The following NRROS variants were observed in gnomAD, a reference collection of about 807,000 sequenced individuals.
NRROS encodes the protein negative regulator of reactive oxygen species.
NRROS carries 6 observed loss-of-function variants against 12.0 expected under a neutral mutation model. That is an observed-to-expected ratio of 0.50 (90% confidence interval 0.27 to 0.98). NRROS has a LOEUF of 0.98. NRROS is among the 50% of genes least tolerant of loss of function. The pLI is 0.11. For synonymous variants in NRROS, 462 were observed against 410.2 expected (o/e 1.13, Z -1.53); for missense variants, 857 against 888.2 (o/e 0.96, Z 0.45).
intron 1 of NRROS, among the ~76,000 whole-genome samples, chr3:196,651,488 C>CTT (rs1737424116): frequency 6.6e-6 from 1 of 151,952 alleles, no homozygotes; most frequent in African/African-American, 2.4e-5. Flanking sequence ...GAAGGTGGGC[C>CTT]AGGCACCATG....
chr3:196,649,928 GGA>G lies in NRROS; in HGVS notation c.-13-4595_-13-4594del, dbSNP rs748199465. ...GGCACTTGCTCAGAGCCCCTTTAGCGGAGAGGGTCCGGTCCCAGCTCTGGCAG... is the reference window on the plus strand; with the variant it reads ...GGCACTTGCTCAGAGCCCCTTTAGCGGAGGGTCCGGTCCCAGCTCTGGCAG... On this transcript the variant is annotated intron_variant, in intron 1 of 2. Coordinates refer to ENST00000328557, the MANE Select transcript of NRROS (RefSeq NM_198565.3). Among the ~76,000 whole-genome samples the G allele has an allele frequency of 2.0e-5, 3 of 152,148 alleles. No homozygotes were observed. The South Asian group carries it at 6.2e-4, about 32-fold the overall frequency.
chr3:196,660,692 A>C lies in NRROS; in HGVS notation c.1049A>C (p.Lys350Thr). Residue 350 changes from lysine (K) to threonine (T), a missense_variant, in exon 3 of 3, where the codon AAA (lysine) becomes ACA (threonine). Transcript: ENST00000328557. This position sits in a 1 kb window ranked among gnomAD's most constrained non-coding sequence, Gnocchi z 7.7. ...TACCTGCCAGACGGCTTCCTGAGGA[A>C]AATGCCTTCCCTCTCCCACCTGAAC... ...FQYLPDGFLRKMPSLSHLNLH... is the reference protein window; with the variant it reads ...FQYLPDGFLRTMPSLSHLNLH... 2 of 1,614,142 alleles carry C rather than the reference A, an allele frequency of 1.2e-6. No homozygotes were observed. The highest frequency in any genetic ancestry group is 1.7e-6 in the Non-Finnish European group (2 of 1,180,028).
At position 196,649,447 on chromosome 3, in the gene NRROS, C is replaced by T. The variant is rs140691823; in HGVS notation, c.-13-5080C>T. On this transcript the variant is annotated intron_variant, in intron 1 of 2. Transcript: ENST00000328557. ...CGCACTCTGCCTCTGGAGAGCCCTC[C>T]CCCAGACCCAGGGAGAAATATTTGT... is the stretch of plus-strand genomic sequence containing the variant. Among the ~76,000 whole-genome samples the T allele has an allele frequency of 1.3e-3, 205 of 152,250 alleles. 2 individuals carry two copies. Among genetic ancestry groups the T allele is most frequent in the African/African-American group, 4.7e-3 (197 of 41,540 alleles).
chr3:196,647,891 G>C (rs548186078), intron 1 of NRROS, among the ~76,000 whole-genome samples: 10 of 152,196 alleles, frequency 6.6e-5, no homozygotes, highest in African/African-American at 1.9e-4. Flanking sequence ...TAGTAGAGAC[G>C]GGGTTTCTCT....
rs766225300 is a variant in NRROS at position 196,660,404 on chromosome 3, C to T, written c.761C>T (p.Thr254Met). Reference protein sequence around the residue: ...TGGEAAFELETLDLSHNQLLF... With the variant: ...TGGEAAFELEMLDLSHNQLLF... ...GGAGAGGCTGCCTTCGAGCTGGAGA[C>T]GCTGGACCTGTCTCACAACCAGCTG... is the stretch of plus-strand genomic sequence containing the variant. The change falls in exon 3 of 3, where the codon ACG (threonine) becomes ATG (methionine). Residue 254 changes from threonine to methionine, a missense_variant. Physicochemically the swap from Thr to Met is moderately conservative, Grantham distance 81. Coordinates refer to ENST00000328557, the MANE Select transcript of NRROS (RefSeq NM_198565.3). This position sits in a 1 kb window ranked among gnomAD's most constrained non-coding sequence, Gnocchi z 7.7. The T allele has an allele frequency of 3.1e-6, 5 of 1,613,758 alleles. No homozygotes were observed. The highest frequency in any genetic ancestry group is 3.3e-5 in the Admixed American group (2 of 60,004).
intron 1 of NRROS, among the ~76,000 whole-genome samples, chr3:196,652,790 G>A (rs574961478): frequency 7.9e-5 from 12 of 152,202 alleles, no homozygotes; most frequent in South Asian, 2.1e-4. Flanking sequence ...TCAGTTCTTC[G>A]ATACGCAGGG....
At position 196,641,958 on chromosome 3, in the gene NRROS, T is replaced by C. The variant is rs867874533; in HGVS notation, c.-14+2083T>C. Among the ~76,000 whole-genome samples the C allele has an allele frequency of 5.9e-5, 9 of 152,400 alleles. No individual in the cohort carries two copies. In the Middle Eastern group the frequency reaches 0.027, roughly 461 times the overall value. On this transcript the variant is annotated intron_variant, in intron 1 of 2. Transcript: ENST00000328557. ...AGATGTCTGTGCTCACTGATGCTTG[T>C]TGATGTGTCATCGCACATCAGTGAC... is the stretch of plus-strand genomic sequence containing the variant.
At position 196,661,642 on chromosome 3, in the gene NRROS, TG is replaced by T. The variant is rs1371166759; in HGVS notation, c.2000del (p.Cys667SerfsTer91). On this transcript the variant is annotated frameshift_variant, in exon 3 of 3. Coordinates refer to ENST00000328557, the MANE Select transcript of NRROS (RefSeq NM_198565.3). LOFTEE classifies it high-confidence loss of function. ...LPSCLTLLVA[C>X]TVIVLTFKKP... ...CAGCTGCCTCACCCTGCTGGTGGCC[TG>T]CACTGTCATCGTCCTCACTTTTAAG... 1 of 1,610,660 alleles carries T rather than the reference TG, an allele frequency of 6.2e-7. No individual in the cohort carries two copies. The highest frequency in any genetic ancestry group is 2.2e-5 in the East Asian group (1 of 44,904).
Position 196,654,706 on chromosome 3 carries a change from A to G in NRROS, c.108+59A>G. ...CTCCTGTCCTGACAAGGCTTGGTCC[A>G]TTTGGAAAGCTGACAGATTGTCCAT... is the stretch of plus-strand genomic sequence containing the variant. On this transcript the variant is annotated intron_variant, in intron 2 of 2. Transcript: ENST00000328557. This position sits in a 1 kb window ranked among gnomAD's most constrained non-coding sequence, Gnocchi z 4.4. 1.9e-6 allele frequency: 2 copies of G among 1,073,588 alleles called. No individual in the cohort carries two copies. The highest frequency in any genetic ancestry group is 2.4e-5 in the East Asian group (1 of 42,442). 66.5% of individuals were successfully genotyped at this position (1,073,588 alleles called of 1,614,324 possible).
chr3:196,651,334 A>G (rs938846934), intron 1 of NRROS, among the ~76,000 whole-genome samples: 6 of 152,210 alleles, frequency 3.9e-5, no homozygotes, highest in African/African-American at 1.2e-4. Flanking sequence ...AACTGCCCAG[A>G]TTATTTAAGA....
intron 1 of NRROS, among the ~76,000 whole-genome samples, chr3:196,649,590 G>T (rs1328665063): frequency 3.3e-5 from 5 of 152,132 alleles, no homozygotes; most frequent in African/African-American, 1.2e-4. Context: ...TCCTGCCTCA[G>T]CCTCCCGAGT....
At position 196,654,133 on chromosome 3, in the gene NRROS, G is replaced by A. The variant is rs1298487542; in HGVS notation, c.-13-394G>A. The stretch of plus-strand genomic sequence containing the variant: ...TTCATTCACTCAGCAAGTACTTACT[G>A]AGCTCAGGGGATGCATCAGACCGAT... On this transcript the variant is annotated intron_variant, in intron 1 of 2. Coordinates refer to ENST00000328557, the MANE Select transcript of NRROS (RefSeq NM_198565.3). The surrounding 1 kb of genome is among the most constrained non-coding windows in gnomAD (Gnocchi z 4.4). Among the ~76,000 whole-genome samples the A allele has an allele frequency of 6.6e-6, 1 of 152,166 alleles. No individual in the cohort carries two copies. The highest frequency in any genetic ancestry group is 1.9e-4 in the East Asian group (1 of 5,194).
In NRROS at chr3:196,654,477, C is replaced by T; in HGVS notation, c.-13-50C>T. On this transcript the variant is annotated intron_variant, in intron 1 of 2. Coordinates refer to ENST00000328557, the MANE Select transcript of NRROS (RefSeq NM_198565.3). This position sits in a 1 kb window ranked among gnomAD's most constrained non-coding sequence, Gnocchi z 4.4. The stretch of plus-strand genomic sequence containing the variant: ...CCTTCTGCCGATAATACAAACAGCC[C>T]TCTGGGATGTCCTTCTCTGACTTAC... The T allele has an allele frequency of 1.8e-6, 2 of 1,083,944 alleles. No homozygotes were observed. The highest frequency in any genetic ancestry group is 2.9e-6 in the Non-Finnish European group (2 of 695,742). The allele number at this position is 1,083,944 out of a possible 1,614,324, so 67.1% of individuals were successfully genotyped here.
Position 196,660,143 on chromosome 3 carries a change from A to G in NRROS, c.500A>G (p.Asn167Ser), listed in dbSNP as rs1437829500. ...CTGCGGTCCGTGTCCCTGGCGGGGA[A>G]CACCATCATGCGGCTGGACGACTCC... ...SSLRSVSLAG[N>S]TIMRLDDSVF... Residue 167 changes from asparagine (N) to serine (S), a missense_variant, in exon 3 of 3, where the codon AAC becomes AGC. Transcript: ENST00000328557. This position sits in a 1 kb window ranked among gnomAD's most constrained non-coding sequence, Gnocchi z 7.7. The G allele has an allele frequency of 1.2e-6, 2 of 1,613,134 alleles. No individual in the cohort carries two copies.
rs1737484582 is a variant in NRROS at position 196,654,095 on chromosome 3, C to T, written c.-13-432C>T. The stretch of plus-strand genomic sequence containing the variant: ...ATCCGTGTTTCCGTCTCCGTCCACT[C>T]TCCAGTTGTTCATTCATTCACTCAG... On this transcript the variant is annotated intron_variant, in intron 1 of 2. Coordinates refer to ENST00000328557, the MANE Select transcript of NRROS (RefSeq NM_198565.3). The surrounding 1 kb of genome is among the most constrained non-coding windows in gnomAD (Gnocchi z 4.4). 6.6e-6 allele frequency among the ~76,000 whole-genome samples: 1 copy of T among 152,212 alleles called. No homozygotes were observed. Among genetic ancestry groups the T allele is most frequent in the Admixed American group, 6.5e-5 (1 of 15,270 alleles).
Position 196,660,314 on chromosome 3 carries a change from G to A in NRROS, c.671G>A (p.Gly224Glu), listed in dbSNP as rs1389833123. The change falls in exon 3 of 3, where the codon GGG becomes GAG. Residue 224 changes from glycine to glutamate, a missense_variant. Coordinates refer to ENST00000328557, the MANE Select transcript of NRROS (RefSeq NM_198565.3). This position sits in a 1 kb window ranked among gnomAD's most constrained non-coding sequence, Gnocchi z 7.7. ...AACCTCCCCTGCATCGTGGACTTCG[G>A]GCTCACGCGGCTGCGGGTCCTCAAC... ...FNNLPCIVDF[G>E]LTRLRVLNVS... The A allele has an allele frequency of 6.2e-7, 1 of 1,613,810 alleles. No individual in the cohort carries two copies. Among genetic ancestry groups the A allele is most frequent in the Admixed American group, 1.7e-5 (1 of 59,990 alleles).
chr3:196,651,225 C>A (rs1737418300), intron 1 of NRROS, among the ~76,000 whole-genome samples: 1 of 152,156 alleles, frequency 6.6e-6, no homozygotes, highest in African/African-American at 2.4e-5. Context: ...ATTTTGAAAG[C>A]CTTTTATTTC....
rs190005812 is a variant in NRROS at position 196,645,473 on chromosome 3, T to C, written c.-14+5598T>C. 1.6e-3 allele frequency among the ~76,000 whole-genome samples: 240 copies of C among 152,204 alleles called. 1 individual carries two copies. Among genetic ancestry groups the C allele is most frequent in the African/African-American group, 5.3e-3 (219 of 41,518 alleles). On this transcript the variant is annotated intron_variant, in intron 1 of 2. Coordinates refer to ENST00000328557, the MANE Select transcript of NRROS (RefSeq NM_198565.3). ...CAAGTGTGAAATGGAGATGACAACA[T>C]TTACCTGCTAGGATTTTTGTGGGAA... is the stretch of plus-strand genomic sequence containing the variant.
intron 1 of NRROS, among the ~76,000 whole-genome samples, chr3:196,653,570 G>A (rs1341280506): frequency 6.6e-6 from 1 of 152,238 alleles, no homozygotes; most frequent in African/African-American, 2.4e-5. Flanking sequence ...CAGAGCTGGG[G>A]GCATGCACTG....
Sources: gnomAD v4.1 joint callset for allele counts (sites outside exome capture counted in the v4.1 genomes callset) on GRCh38, gnomAD v4.1.1 for gene constraint, Gnocchi (gnomAD v3.1) non-coding constraint, MANE v1.5 for transcripts, NCBI Gene and HGNC (gene_info 2026-07-23, HGNC 2026-07-21) for gene names.